Variants in WDR7 observed in about 807,000 individuals in gnomAD.
WDR7 encodes WD repeat-containing protein 7.
A neutral mutation model predicts 169.4 loss-of-function variants in WDR7; 46 were observed. That is an observed-to-expected ratio of 0.27 (90% CI 0.21 to 0.35). The LOEUF (loss-of-function observed/expected upper bound fraction) is 0.35, where lower values mean the gene tolerates loss of function less well. Among genes scored for constraint, WDR7 ranks in the 10% least tolerant of loss-of-function variants. WDR7 has a pLI of 1.00. For missense variants in WDR7, 1,534 were observed against 1,859.3 expected (o/e 0.83, Z 3.22); for synonymous variants, 612 against 666.8 (o/e 0.92, Z 1.27).
chr18:56,992,802 G>C (rs184752575), intron 26 of WDR7, among the ~76,000 whole-genome samples: 1 of 152,152 alleles, frequency 6.6e-6, no homozygotes, highest in Non-Finnish European at 1.5e-5. Context: ...TGAACTAGAA[G>C]TTCAGGGATA....
At chr18:56,681,044 G>A (rs2025341449) in intron 3 of WDR7, among the ~76,000 whole-genome samples, 1 of 152,008 alleles carries the variant, frequency 6.6e-6, no homozygotes, top group Admixed American at 6.6e-5. Context: ...CTACTTACAA[G>A]ACTTCATTAA....
intron 20 of WDR7, among the ~76,000 whole-genome samples, chr18:56,852,185 G>A (rs2045650570): frequency 6.6e-6 from 1 of 152,120 alleles, no homozygotes; most frequent in Non-Finnish European, 1.5e-5. Flanking sequence ...CATAAATTCT[G>A]TCTCTAGATA....
chr18:56,806,396 C>T (rs2044773832), intron 19 of WDR7, among the ~76,000 whole-genome samples: 1 of 152,146 alleles, frequency 6.6e-6, no homozygotes, highest in Non-Finnish European at 1.5e-5. Context: ...CAGTGATTTT[C>T]AGACTTTTAG....
At chr18:56,932,580 T>C (rs1463198232) in intron 22 of WDR7, among the ~76,000 whole-genome samples, 1 of 152,222 alleles carries the variant, frequency 6.6e-6, no homozygotes, top group Non-Finnish European at 1.5e-5. Flanking sequence ...CTTTTTTTTA[T>C]GAGAAGCGTC....
chr18:57,010,336 CTTTTA>C (rs1407578947), intron 26 of WDR7: 1 of 970,896 alleles, frequency 1.0e-6, no homozygotes, highest in African/African-American at 1.8e-5. Context: ...ATTCACTATT[CTTTTA>C]TTTAAAACAA....
intron 21 of WDR7, chr18:56,891,047 G>A (rs1337572831): frequency 1.3e-5 from 2 of 152,112 alleles, no homozygotes; most frequent in African/African-American, 4.8e-5. Context: ...TAATTTTGAT[G>A]TGTAGCCAGA....
At chr18:56,988,710 CAGA>C (rs2047765109) in intron 26 of WDR7, among the ~76,000 whole-genome samples, 1 of 150,462 alleles carries the variant, frequency 6.6e-6, no homozygotes. Flanking sequence ...CTTATAAATT[CAGA>C]AGAAGCATGG....
At chr18:56,900,916 G>A (rs1413666169) in intron 21 of WDR7, among the ~76,000 whole-genome samples, 1 of 152,204 alleles carries the variant, frequency 6.6e-6, no homozygotes, top group Non-Finnish European at 1.5e-5. Context: ...CTGCCAGCTG[G>A]CAAAGGACAT....
intron 12 of WDR7, among the ~76,000 whole-genome samples, chr18:56,716,415 T>C (rs186579736): frequency 6.6e-6 from 1 of 152,262 alleles, no homozygotes; most frequent in Admixed American, 6.5e-5. Context: ...CAAATGAAGC[T>C]AACAAAGAAT....
chr18:56,670,204 C>T (rs1010559283), intron 1 of WDR7, among the ~76,000 whole-genome samples: 4 of 152,094 alleles, frequency 2.6e-5, no homozygotes, highest in South Asian at 2.1e-4. Flanking sequence ...TTGTCATATA[C>T]TATTCTATCA....
intron 15 of WDR7, among the ~76,000 whole-genome samples, chr18:56,758,070 A>G (rs1291030677): frequency 6.6e-6 from 1 of 152,220 alleles, no homozygotes; most frequent in Non-Finnish European, 1.5e-5. Context: ...TGTGAGAAGT[A>G]TAGTCAGAAT....
chr18:56,711,862 T>C (rs2026093484), intron 12 of WDR7, among the ~76,000 whole-genome samples: 1 of 152,206 alleles, frequency 6.6e-6, no homozygotes, highest in Non-Finnish European at 1.5e-5. Flanking sequence ...ACATTTATGT[T>C]CCATAGCAAG....
rs756247816 is a variant in WDR7, at chr18:57,028,778, A to G, written c.*1571A>G. The G allele has an allele frequency of 1.3e-5, 2 of 152,674 alleles. No homozygotes were observed. Among genetic ancestry groups the G allele is most frequent in the Non-Finnish European group, 2.9e-5 (2 of 68,048 alleles). The allele number at this position is 152,674 out of a possible 1,614,324, so 9.5% of individuals were successfully genotyped here. A position where few individuals can be genotyped will look rare whatever the true frequency, so the allele number is the denominator to read the frequency against. On this transcript the variant is annotated 3_prime_UTR_variant, in exon 28 of 28. Coordinates refer to ENST00000254442, the MANE Select transcript of WDR7 (RefSeq NM_015285.3). ...AGATCATCTCTTTCATAATGATATG[A>G]TGTTATTTCCATTGACGGCAAATCT...
intron 20 of WDR7, among the ~76,000 whole-genome samples, chr18:56,825,466 T>C (rs2045184688): frequency 6.6e-6 from 1 of 152,228 alleles, no homozygotes. Flanking sequence ...ACACAATTCA[T>C]GTGATGCCTT....
At chr18:56,951,499 C>G (rs763053981) in intron 25 of WDR7, among the ~76,000 whole-genome samples, 1 of 152,158 alleles carries the variant, frequency 6.6e-6, no homozygotes, top group African/African-American at 2.4e-5. Flanking sequence ...GGTTATCTTA[C>G]AGTTTCTTCT....
intron 26 of WDR7, among the ~76,000 whole-genome samples, chr18:56,986,572 G>T (rs1450307529): frequency 2.0e-5 from 3 of 151,938 alleles, no homozygotes; most frequent in Non-Finnish European, 4.4e-5. Context: ...AGGGTGGGGT[G>T]GTATATAGTA....
intron 26 of WDR7, among the ~76,000 whole-genome samples, chr18:57,017,432 G>A (rs1300495015): frequency 6.7e-6 from 1 of 148,748 alleles, no homozygotes; most frequent in Non-Finnish European, 1.5e-5. Context: ...GTGTGTGTGT[G>A]TGTGTGTGTG....
downstream of WDR7, chr18:57,033,270 G>T (rs997981065): frequency 6.6e-6 from 1 of 152,086 alleles, no homozygotes; most frequent in Non-Finnish European, 1.5e-5. Context: ...GGAAACATTT[G>T]GGCTAGGCCT....
chr18:56,757,831 G>A (rs972954984), intron 15 of WDR7, among the ~76,000 whole-genome samples: 1 of 151,982 alleles, frequency 6.6e-6, no homozygotes, highest in African/African-American at 2.4e-5. Flanking sequence ...AGCTGGGCAT[G>A]GTGGTTACAT....
Sources: allele counts gnomAD v4.1 joint callset (sites outside exome capture counted in the v4.1 genomes callset), GRCh38; gene constraint gnomAD v4.1.1; transcripts MANE v1.5; gene names NCBI Gene and HGNC (gene_info 2026-07-23, HGNC 2026-07-21).